Variants in UACA observed in about 807,000 individuals in gnomAD.
The protein encoded by UACA is nuclear membrane binding protein.
A neutral mutation model predicts 160.5 loss-of-function variants in UACA; 112 were observed. That is an observed-to-expected ratio of 0.70 (90% CI 0.60 to 0.82). The LOEUF is 0.82. UACA is among the 40% of genes least tolerant of loss of function. The pLI is 0.00. For missense variants in UACA, 1,574 were observed against 1,614.6 expected, an observed-to-expected ratio of 0.97 and a Z score of 0.43; for synonymous variants, 557 against 568.4, an observed-to-expected ratio of 0.98 and a Z score of 0.29.
At chr15:70,748,468 G>T (rs1046492097) in intron 1 of UACA, among the ~76,000 whole-genome samples, 4 of 152,112 alleles carry the variant, frequency 2.6e-5, no homozygotes, top group African/African-American at 9.7e-5. Flanking sequence ...CATGAAGTTA[G>T]AAATTAAAAA....
intron 1 of UACA, among the ~76,000 whole-genome samples, chr15:70,715,670 T>A (rs1228175767): frequency 6.6e-6 from 1 of 152,170 alleles, no homozygotes; most frequent in Non-Finnish European, 1.5e-5. Context: ...AATGCATAAC[T>A]TTCCCCCAAA....
chr15:70,701,792 T>G, intron 1 of UACA: 2 of 1,293,634 alleles, frequency 1.5e-6, no homozygotes, highest in Non-Finnish European at 2.2e-6. Flanking sequence ...ACCAAATTAA[T>G]AAAACAGTAG....
intron 1 of UACA, among the ~76,000 whole-genome samples, chr15:70,701,151 C>T (rs980578811): frequency 2.0e-5 from 3 of 152,138 alleles, no homozygotes; most frequent in African/African-American, 7.2e-5. Flanking sequence ...AGTACCTACA[C>T]AGATTTCAGA....
intron 1 of UACA, 148 bp downstream of exon 1, chr15:70,763,182 T>C (rs939556113): frequency 3.5e-6 from 3 of 858,608 alleles, no homozygotes; most frequent in Admixed American, 4.4e-5. Flanking sequence ...GCTGACGGAG[T>C]CTCCGGCCTC....
chr15:70,777,821 G>A, the UACA span, among the ~76,000 whole-genome samples: 2 of 152,128 alleles, frequency 1.3e-5, no homozygotes, highest in East Asian at 1.9e-4. Flanking sequence ...TTGCTGCGAC[G>A]GGGAGGGAGG....
intron 1 of UACA, chr15:70,754,312 T>C (rs1453462741): frequency 2.7e-5 from 9 of 331,156 alleles, no homozygotes; most frequent in Non-Finnish European, 5.4e-5. Flanking sequence ...AGAAACTGTA[T>C]GTACTTTGAG....
chr15:70,656,707 G>A lies in UACA; in HGVS notation c.*349C>T. 1 of 178,186 alleles carries A rather than the reference G, an allele frequency of 5.6e-6. No homozygotes were observed. Among genetic ancestry groups the A allele is most frequent in the South Asian group, 1.4e-4 (1 of 7,058 alleles). 11.0% of individuals were successfully genotyped at this position (178,186 alleles called of 1,614,324 possible). On this transcript the variant is annotated 3_prime_UTR_variant, in exon 19 of 19. Coordinates refer to ENST00000322954, the MANE Select transcript of UACA (RefSeq NM_018003.4). ...GGCCACCAACCAAATTAATTTCTCT[G>A]AAAGACATCTTTAAGCAATTATTTC...
intron 3 of UACA, 76 bp downstream of exon 3, chr15:70,694,941 C>A: frequency 8.7e-7 from 1 of 1,147,922 alleles, no homozygotes; most frequent in Non-Finnish European, 1.3e-6. Flanking sequence ...ACATTTAGGT[C>A]TGAATAAAAA....
At chr15:70,743,379 T>C (rs1490368578) in intron 1 of UACA, among the ~76,000 whole-genome samples, 1 of 152,200 alleles carries the variant, frequency 6.6e-6, no homozygotes, top group Non-Finnish European at 1.5e-5. Flanking sequence ...ATGGGCATAT[T>C]TCCTCATCAT....
chr15:70,678,650 T>C (rs760106977), intron 10 of UACA, among the ~76,000 whole-genome samples: 2 of 152,172 alleles, frequency 1.3e-5, no homozygotes, highest in Non-Finnish European at 2.9e-5. Context: ...TTACACTACA[T>C]AGTAAACTAA....
In UACA at chr15:70,669,016, A is replaced by C; in HGVS notation, c.1668T>G (p.Ala556=). Residue 556 remains alanine (A), a synonymous_variant, in exon 16 of 19, where the codon GCT becomes GCG. Transcript: ENST00000322954. ...TTCTTAATTTCCCCACTTCTGCTGAAGCACCTTCATATTTTACTTTCAAGT... is the reference window on the plus strand; with the variant it reads ...TTCTTAATTTCCCCACTTCTGCTGACGCACCTTCATATTTTACTTTCAAGT... ...LKDLKVKYEG[A]SAEVGKLRNQ... is the part of the protein sequence containing the mutation. 6.2e-7 allele frequency: 1 copy of C among 1,613,914 alleles called. No homozygotes were observed. Among genetic ancestry groups the C allele is most frequent in the Non-Finnish European group, 8.5e-7 (1 of 1,180,024 alleles).
At chr15:70,763,650 G>C, upstream of UACA, 1 of 599,936 alleles carries the variant, frequency 1.7e-6, no homozygotes, top group Non-Finnish European at 2.4e-6. Flanking sequence ...TGCGGGAATG[G>C]GGCGGGACTT....
chr15:70,754,046 T>G, intron 1 of UACA: 1 of 450,582 alleles, frequency 2.2e-6, no homozygotes, highest in South Asian at 1.6e-5. Context: ...CCTCAAGTGA[T>G]CCGCCCACCT....
intron 1 of UACA, among the ~76,000 whole-genome samples, chr15:70,724,585 G>A (rs1312924484): frequency 2.0e-5 from 3 of 152,216 alleles, no homozygotes; most frequent in Admixed American, 2.0e-4. Flanking sequence ...GAAAACTGGT[G>A]AATGAACTAG....
chr15:70,655,166 C>T lies in UACA; in HGVS notation c.*1890G>A, dbSNP rs1163874554. ...ATAAAATACACATAAGGTTCCCTTC[C>T]CATCTCTAATATGGAAAATAAAACA... On this transcript the variant is annotated 3_prime_UTR_variant, in exon 19 of 19. Coordinates refer to ENST00000322954, the MANE Select transcript of UACA (RefSeq NM_018003.4). 6.6e-6 allele frequency: 1 copy of T among 152,158 alleles called. No individual in the cohort carries two copies. Among genetic ancestry groups the T allele is most frequent in the Admixed American group, 6.5e-5 (1 of 15,274 alleles). The allele number at this position is 152,158 out of a possible 1,614,324, so 9.4% of individuals were successfully genotyped here. A position where few individuals can be genotyped will look rare whatever the true frequency, so the allele number is the denominator to read the frequency against.
chr15:70,746,569 G>A (rs1279457088), intron 1 of UACA, among the ~76,000 whole-genome samples: 1 of 152,220 alleles, frequency 6.6e-6, no homozygotes, highest in Non-Finnish European at 1.5e-5. Flanking sequence ...GTGGAAGACA[G>A]TGTGGCAATT....
intron 14 of UACA, chr15:70,671,715 T>G (rs2140911630): frequency 3.5e-6 from 1 of 284,070 alleles, no homozygotes; most frequent in Non-Finnish European, 6.5e-6. Context: ...ACAAGGCAAA[T>G]TTGGTAATTC....
intron 1 of UACA, among the ~76,000 whole-genome samples, chr15:70,727,078 G>A (rs1899166633): frequency 6.6e-6 from 1 of 152,090 alleles, no homozygotes. Flanking sequence ...TAAGTATAAG[G>A]CTGTAGTATA....
At chr15:70,703,361 T>C in intron 1 of UACA, 2 of 1,015,886 alleles carry the variant, frequency 2.0e-6, no homozygotes, top group Non-Finnish European at 2.6e-6. Flanking sequence ...TTAAAAATTC[T>C]GCTATGTACT....
Sources: gnomAD v4.1 joint callset for allele counts (sites outside exome capture counted in the v4.1 genomes callset) on GRCh38, gnomAD v4.1.1 for gene constraint, MANE v1.5 for transcripts, NCBI Gene and HGNC (gene_info 2026-07-23, HGNC 2026-07-21) for gene names.